Variants in SDK1 observed in about 807,000 individuals in gnomAD.
The protein encoded by SDK1 is protein sidekick-1.
Under a neutral mutation model 245.5 loss-of-function variants are expected in SDK1, and 157 were observed. The ratio of observed to expected loss-of-function variants is 0.64; its 90% CI spans 0.56 to 0.73. SDK1 has a LOEUF of 0.73. Among genes scored for constraint, SDK1 ranks in the 30% least tolerant of loss-of-function variants. SDK1 has a pLI of 0.00. For missense variants in SDK1, 3,583 were observed against 3,002.3 expected (o/e 1.19, Z -4.52); for synonymous variants, 1,647 against 1,278.5 (o/e 1.29, Z -6.15).
At chr7:4,241,646 C>G (rs1312895951) in intron 42 of SDK1, 147 bp from the exon 43 acceptor site, 2 of 902,352 alleles carry the variant, frequency 2.2e-6, no homozygotes, top group African/African-American at 3.4e-5. Context: ...CAGCTCAGCC[C>G]TAAGCACAGC....
At chr7:3,412,618 G>C (rs1485473098) in intron 1 of SDK1, among the ~76,000 whole-genome samples, 1 of 152,200 alleles carries the variant, frequency 6.6e-6, no homozygotes, top group African/African-American at 2.4e-5. Flanking sequence ...TGCAAGTAAA[G>C]CTGTAGGATA....
chr7:3,570,167 C>T lies in SDK1; in HGVS notation c.299-48913C>T, dbSNP rs553317767. On this transcript the variant is annotated intron_variant, in intron 1 of 44. Transcript: ENST00000404826. ...CTGGCTTTTTAAGTATCCCTTGACTCAACCTTTTTGGCATCAGGACTGGTT... is the reference window on the plus strand; with the variant it reads ...CTGGCTTTTTAAGTATCCCTTGACTTAACCTTTTTGGCATCAGGACTGGTT... Among the ~76,000 whole-genome samples the T allele has an allele frequency of 3.2e-4, 49 of 152,278 alleles. No homozygotes were observed. In the Middle Eastern group the frequency reaches 0.01, roughly 32 times the overall value.
chr7:3,387,001 C>T (rs988366518), intron 1 of SDK1, among the ~76,000 whole-genome samples: 1 of 152,152 alleles, frequency 6.6e-6, no homozygotes. Flanking sequence ...CATTCATCTT[C>T]AGTTAGTTGA....
At chr7:3,643,097 A>G (rs1489720336) in intron 4 of SDK1, 3 of 150,420 alleles carry the variant, frequency 2.0e-5, no homozygotes, top group Admixed American at 2.0e-4. Context: ...CTCATCTCCA[A>G]CCCTACCTGA....
At chr7:3,714,287 T>C (rs531359333) in intron 4 of SDK1, among the ~76,000 whole-genome samples, 1 of 152,318 alleles carries the variant, frequency 6.6e-6, no homozygotes, top group Non-Finnish European at 1.5e-5. Context: ...ATCTCTGAAC[T>C]TCCTTATTGT....
chr7:3,415,295 T>C (rs528206917), intron 1 of SDK1, among the ~76,000 whole-genome samples: 8 of 152,246 alleles, frequency 5.3e-5, no homozygotes, highest in African/African-American at 1.7e-4. Flanking sequence ...CCTGGACACA[T>C]AAATGTGTCA....
intron 4 of SDK1, among the ~76,000 whole-genome samples, chr7:3,788,997 A>G (rs910546695): frequency 6.6e-6 from 1 of 152,226 alleles, no homozygotes; most frequent in Non-Finnish European, 1.5e-5. Flanking sequence ...ATTGGTTGGC[A>G]CAAGTGCCAC....
At chr7:3,698,102 C>T (rs1412657778) in intron 4 of SDK1, among the ~76,000 whole-genome samples, 1 of 152,110 alleles carries the variant, frequency 6.6e-6, no homozygotes, top group African/African-American at 2.4e-5. Flanking sequence ...AAAAGCACCC[C>T]CAAACCCTCC....
chr7:3,479,861 C>CAAAA (rs200021941), intron 1 of SDK1, among the ~76,000 whole-genome samples: 1 of 132,242 alleles, frequency 7.6e-6, no homozygotes, highest in African/African-American at 2.8e-5. Flanking sequence ...GAGTCCATCT[C>CAAAA]AAAAAAAAAA....
chr7:3,802,227 A>T (rs375714749), intron 4 of SDK1, among the ~76,000 whole-genome samples: 23 of 152,126 alleles, frequency 1.5e-4, no homozygotes, highest in Non-Finnish European at 2.9e-4. Context: ...TGTAACTACC[A>T]CTACATCCAC....
chr7:3,488,625 C>T (rs913093690), intron 1 of SDK1, among the ~76,000 whole-genome samples: 1 of 152,150 alleles, frequency 6.6e-6, no homozygotes, highest in Non-Finnish European at 1.5e-5. Flanking sequence ...AGCTAGGATG[C>T]TTTCAGCTTC....
chr7:4,031,943 C>T (rs1037246901), intron 17 of SDK1, among the ~76,000 whole-genome samples: 2 of 150,814 alleles, frequency 1.3e-5, no homozygotes, highest in Admixed American at 1.3e-4. Flanking sequence ...AGGAGAATCG[C>T]TTGAACCTGA....
At chr7:4,220,417 T>C (rs983731169) in intron 39 of SDK1, 147 bp downstream of exon 39, 6 of 787,082 alleles carry the variant, frequency 7.6e-6, no homozygotes, top group African/African-American at 5.2e-5. Context: ...CTGGGCAACA[T>C]GGACGTCTTC....
chr7:4,205,753 G>T, intron 35 of SDK1, 126 bp from the exon 36 acceptor site: 2 of 779,608 alleles, frequency 2.6e-6, no homozygotes, highest in Non-Finnish European at 4.3e-6. Flanking sequence ...GACGGCCCAG[G>T]GAAGAATCTC....
intron 1 of SDK1, among the ~76,000 whole-genome samples, chr7:3,353,450 A>C (rs769266810): frequency 4.6e-5 from 7 of 152,208 alleles, no homozygotes; most frequent in Non-Finnish European, 1.0e-4. Flanking sequence ...AAAAAATTCA[A>C]ATGAGCTGAG....
At chr7:3,934,643 G>T (rs1051878138) in intron 5 of SDK1, among the ~76,000 whole-genome samples, 1 of 152,218 alleles carries the variant, frequency 6.6e-6, no homozygotes, top group Admixed American at 6.5e-5. Flanking sequence ...AGCATGCAGG[G>T]ATCCACAAGT....
intron 1 of SDK1, among the ~76,000 whole-genome samples, chr7:3,434,075 G>A (rs1779947143): frequency 6.6e-6 from 1 of 152,148 alleles, no homozygotes; most frequent in South Asian, 2.1e-4. Flanking sequence ...CAATGAAACA[G>A]AAACAAGGCA....
intron 28 of SDK1, among the ~76,000 whole-genome samples, chr7:4,138,032 C>T (rs573440809): frequency 2.6e-5 from 4 of 152,278 alleles, no homozygotes; most frequent in African/African-American, 9.6e-5. Flanking sequence ...CGTGGTGTGG[C>T]GACCAGCTGA....
chr7:3,520,957 T>C (rs1782918747), intron 1 of SDK1, among the ~76,000 whole-genome samples: 1 of 152,236 alleles, frequency 6.6e-6, no homozygotes, highest in Admixed American at 6.5e-5. Context: ...AAGGTATGGC[T>C]GCACTAAGCC....
Sources: gnomAD v4.1 joint callset for allele counts (sites outside exome capture counted in the v4.1 genomes callset) on GRCh38, gnomAD v4.1.1 for gene constraint, MANE v1.5 for transcripts, NCBI Gene and HGNC (gene_info 2026-07-23, HGNC 2026-07-21) for gene names.